Variants in NCKAP5 observed in about 807,000 individuals in gnomAD.
NCKAP5 encodes nck-associated protein 5.
Under a neutral mutation model 167.0 loss-of-function variants are expected in NCKAP5, and 92 were observed. That is an observed-to-expected ratio of 0.55 (90% CI 0.47 to 0.66). The LOEUF is 0.66. NCKAP5 is among the 30% of genes least tolerant of loss of function. The probability of loss-of-function intolerance (pLI) is 0.00; values close to 1 mark genes in which losing one functional copy is unlikely to be tolerated. For synonymous variants in NCKAP5, 891 were observed against 877.4 expected, an observed-to-expected ratio of 1.02 and a Z score of -0.27; for missense variants, 2,378 against 2,315.0, an observed-to-expected ratio of 1.03 and a Z score of -0.56.
chr2:132,949,004 G>T (rs62178919), intron 8 of NCKAP5, among the ~76,000 whole-genome samples: 3,849 of 14,644 alleles, frequency 0.26, 152 homozygotes, highest in East Asian at 0.46. Flanking sequence ...CCAGAGAAAT[G>T]AAAAGAAAAG....
intron 4 of NCKAP5, among the ~76,000 whole-genome samples, chr2:133,245,815 T>C (rs537925591): frequency 6.6e-6 from 1 of 151,266 alleles, no homozygotes; most frequent in Admixed American, 6.6e-5. Context: ...GATTGAAACA[T>C]TTATAAGTAT....
At chr2:133,454,545 G>T (rs895953675) in intron 3 of NCKAP5, among the ~76,000 whole-genome samples, 1 of 151,996 alleles carries the variant, frequency 6.6e-6, no homozygotes, top group Non-Finnish European at 1.5e-5. Flanking sequence ...TAAACTCAAG[G>T]TCTTCTCTGC....
chr2:133,544,215 T>A (rs1686461008), intron 2 of NCKAP5, among the ~76,000 whole-genome samples: 3 of 152,324 alleles, frequency 2.0e-5, no homozygotes, highest in South Asian at 4.1e-4. Context: ...TGGAAAAAAA[T>A]AAATCTCTTT....
chr2:133,044,832 T>C (rs949984228), intron 6 of NCKAP5, among the ~76,000 whole-genome samples: 10 of 152,094 alleles, frequency 6.6e-5, no homozygotes, highest in African/African-American at 2.4e-4. Context: ...CCCAGCACTT[T>C]GGGAGGCCGA....
At chr2:133,152,824 T>C (rs575037118) in intron 5 of NCKAP5, among the ~76,000 whole-genome samples, 1 of 152,320 alleles carries the variant, frequency 6.6e-6, no homozygotes, top group Non-Finnish European at 1.5e-5. Context: ...TGTGTTTAGA[T>C]ATCAAATACT....
upstream of NCKAP5, among the ~76,000 whole-genome samples, chr2:133,570,291 C>T (rs1482135967): frequency 1.3e-5 from 2 of 151,982 alleles, no homozygotes; most frequent in Admixed American, 1.3e-4. Flanking sequence ...TTTCAATGAT[C>T]ATGTTTCATT....
chr2:133,019,228 C>T (rs2078444273), intron 6 of NCKAP5, among the ~76,000 whole-genome samples: 1 of 152,178 alleles, frequency 6.6e-6, no homozygotes, highest in Non-Finnish European at 1.5e-5. Flanking sequence ...AGATAGGAGG[C>T]ACTCAATACG....
At chr2:133,420,004 C>T (rs1482977079) in intron 3 of NCKAP5, among the ~76,000 whole-genome samples, 1 of 152,174 alleles carries the variant, frequency 6.6e-6, no homozygotes, top group African/African-American at 2.4e-5. Context: ...AAAGTGATGA[C>T]CATGTTGACA....
At chr2:132,698,008 C>T (rs945991157) in intron 19 of NCKAP5, among the ~76,000 whole-genome samples, 5 of 152,098 alleles carry the variant, frequency 3.3e-5, no homozygotes, top group Admixed American at 6.5e-5. Context: ...TTTATTGGCC[C>T]GTATTTCAAA....
At chr2:133,387,185 G>A (rs1302942868) in intron 3 of NCKAP5, among the ~76,000 whole-genome samples, 1 of 152,152 alleles carries the variant, frequency 6.6e-6, no homozygotes, top group Admixed American at 6.5e-5. Flanking sequence ...GGCTGGTACT[G>A]GTTGTTCCTT....
At chr2:132,725,874 C>T in intron 18 of NCKAP5, 115 bp from the exon 19 acceptor site, 1 of 1,128,282 alleles carries the variant, frequency 8.9e-7, no homozygotes, top group Non-Finnish European at 1.2e-6. Context: ...CACAGAATTC[C>T]ATTCCCACTG....
intron 5 of NCKAP5, among the ~76,000 whole-genome samples, chr2:133,134,251 G>A (rs1454912490): frequency 6.6e-6 from 1 of 152,180 alleles, no homozygotes; most frequent in Non-Finnish European, 1.5e-5. Context: ...CTTCTGAACT[G>A]CATCCCTGTT....
chr2:133,352,534 G>A lies in NCKAP5; in HGVS notation c.70-49424C>T, dbSNP rs575654278. On this transcript the variant is annotated intron_variant, in intron 3 of 19. Transcript: ENST00000409261. ...TAGAGTGTGTTGGGTAGAGGCAGGGGAAGAGGAGAAAGAATTAGCTGGGGT... is the reference window on the plus strand; with the variant it reads ...TAGAGTGTGTTGGGTAGAGGCAGGGAAAGAGGAGAAAGAATTAGCTGGGGT... Among the ~76,000 whole-genome samples the A allele has an allele frequency of 1.2e-4, 18 of 152,362 alleles. No individual in the cohort carries two copies. In the East Asian group the frequency reaches 3.5e-3, roughly 29 times the overall value.
chr2:132,791,237 G>A (rs1048904428), intron 12 of NCKAP5, among the ~76,000 whole-genome samples: 3 of 152,314 alleles, frequency 2.0e-5, no homozygotes, highest in Admixed American at 6.5e-5. Flanking sequence ...AGGAAGCCAA[G>A]CACAGCAGAC....
intron 5 of NCKAP5, among the ~76,000 whole-genome samples, chr2:133,202,507 C>G (rs115045382): frequency 0.058 from 8,815 of 152,174 alleles, 817 homozygotes; most frequent in African/African-American, 0.2. Context: ...ACACCAAAAG[C>G]AAAGATAACA....
At chr2:133,199,056 T>A (rs2085559269) in intron 5 of NCKAP5, among the ~76,000 whole-genome samples, 1 of 151,974 alleles carries the variant, frequency 6.6e-6, no homozygotes, top group African/African-American at 2.4e-5. Flanking sequence ...TATCTACATT[T>A]AAAAAAATAC....
chr2:133,619,106 G>A, the NCKAP5 span, among the ~76,000 whole-genome samples: 21 of 131,032 alleles, frequency 1.6e-4, no homozygotes, highest in Non-Finnish European at 3.1e-4. Context: ...ATTGAACAAT[G>A]AGAACACATG....
chr2:132,982,036 G>C (rs2077154775), intron 7 of NCKAP5, among the ~76,000 whole-genome samples: 1 of 152,156 alleles, frequency 6.6e-6, no homozygotes, highest in Non-Finnish European at 1.5e-5. Flanking sequence ...TAAAGCTTTA[G>C]GCTTACGAAA....
chr2:133,202,866 T>C (rs1169997667), intron 5 of NCKAP5, among the ~76,000 whole-genome samples: 1 of 151,942 alleles, frequency 6.6e-6, no homozygotes, highest in East Asian at 1.9e-4. Flanking sequence ...GTTAGAATGG[T>C]GATCATTAAA....
Sources: allele counts gnomAD v4.1 joint callset (sites outside exome capture counted in the v4.1 genomes callset), GRCh38; gene constraint gnomAD v4.1.1; transcripts MANE v1.5; gene names NCBI Gene and HGNC (gene_info 2026-07-23, HGNC 2026-07-21).